The following IL7 variants were observed in gnomAD, a reference collection of about 807,000 sequenced individuals.
The protein encoded by IL7 is interleukin-7.
In IL7, 3 loss-of-function variants were observed where a neutral mutation model predicts 21.6. The ratio of observed to expected loss-of-function variants is 0.14; its 90% CI spans 0.06 to 0.36. The LOEUF (loss-of-function observed/expected upper bound fraction) is 0.36. Ranked by LOEUF, IL7 falls within the 10% of genes least tolerant of loss-of-function variation. The pLI is 1.00. For missense variants in IL7, 175 were observed against 200.2 expected (o/e 0.87, Z 0.76); for synonymous variants, 62 against 68.1 (o/e 0.91, Z 0.44).
At chr8:78,717,668 A>C (rs1242828951), downstream of IL7, 3 of 474,096 alleles carry the variant, frequency 6.3e-6, no homozygotes, top group Middle Eastern at 5.8e-4. Context: ...ATATGTGTAC[A>C]TATACTGTAT....
chr8:78,793,459 T>C (rs1813759597), intron 2 of IL7, among the ~76,000 whole-genome samples: 2 of 152,168 alleles, frequency 1.3e-5, no homozygotes, highest in Non-Finnish European at 2.9e-5. Flanking sequence ...GTTTACACTA[T>C]ACTGTAGTCT....
At chr8:78,762,224 C>G in intron 2 of IL7, 2 of 1,580,344 alleles carry the variant, frequency 1.3e-6, no homozygotes, top group Non-Finnish European at 1.7e-6. Flanking sequence ...ACCAGTTCTA[C>G]AGATCATAGA....
chr8:78,758,398 G>A (rs1241611451), intron 2 of IL7, among the ~76,000 whole-genome samples: 1 of 152,032 alleles, frequency 6.6e-6, no homozygotes, highest in Non-Finnish European at 1.5e-5. Flanking sequence ...GTAGTGACAA[G>A]CTTTGATTTC....
chr8:78,680,940 G>T (rs1809756789), intron 4 of IL7, among the ~76,000 whole-genome samples: 1 of 152,194 alleles, frequency 6.6e-6, no homozygotes, highest in Non-Finnish European at 1.5e-5. Flanking sequence ...GGCTGAAATT[G>T]TATAAAAGTC....
At chr8:78,744,032 G>A (rs760972547) in intron 2 of IL7, among the ~76,000 whole-genome samples, 1 of 152,184 alleles carries the variant, frequency 6.6e-6, no homozygotes, top group Non-Finnish European at 1.5e-5. Flanking sequence ...GGAGATCCTG[G>A]TTGGGAGGTC....
At chr8:78,699,977 A>T (rs1166176979) in intron 3 of IL7, among the ~76,000 whole-genome samples, 2 of 152,218 alleles carry the variant, frequency 1.3e-5, no homozygotes, top group South Asian at 4.1e-4. Context: ...CTGGGTATAT[A>T]CTCAGTAATG....
At chr8:78,734,097 CAT>C (rs1811497285) in intron 5 of IL7, among the ~76,000 whole-genome samples, 1 of 152,096 alleles carries the variant, frequency 6.6e-6, no homozygotes, top group East Asian at 1.9e-4. Flanking sequence ...TAACAGTGGA[CAT>C]AATAACACTG....
intron 3 of IL7, among the ~76,000 whole-genome samples, chr8:78,705,161 A>C (rs1810731875): frequency 6.6e-6 from 1 of 152,164 alleles, no homozygotes; most frequent in Non-Finnish European, 1.5e-5. Context: ...TTCCTGTTGG[A>C]GAGGTGATGC....
intron 5 of IL7, 81 bp from the exon 6 acceptor site, chr8:78,733,913 A>G: frequency 1.0e-6 from 1 of 955,378 alleles, no homozygotes; most frequent in African/African-American, 1.7e-5. Context: ...TCATCATATT[A>G]CTTTATACTG....
intron 3 of IL7, among the ~76,000 whole-genome samples, chr8:78,688,025 T>C (rs552598153): frequency 8.1e-5 from 12 of 149,042 alleles, no homozygotes; most frequent in African/African-American, 2.9e-4. Flanking sequence ...TGTGTTTCCG[T>C]AAAACTTCAT....
chr8:78,728,415 A>G (rs1035280266), downstream of IL7, among the ~76,000 whole-genome samples: 2 of 152,054 alleles, frequency 1.3e-5, no homozygotes, highest in African/African-American at 2.4e-5. Flanking sequence ...TATTGGAGAA[A>G]GGATACATAG....
At chr8:78,749,597 C>A (rs535299442) in intron 2 of IL7, among the ~76,000 whole-genome samples, 78 of 152,070 alleles carry the variant, frequency 5.1e-4, no homozygotes, top group Non-Finnish European at 1.2e-4. Context: ...CTGTAATTGG[C>A]AAATTGCTGA....
Position 78,803,510 on chromosome 8 carries a change from T to G in IL7, c.10+1403A>C, listed in dbSNP as rs77691373. ...GAAACAAACTTCAGGAAGCCATGCA[T>G]TATAATCATTATTATTAGAATTTTA... On this transcript the variant is annotated intron_variant, in intron 1 of 5. Coordinates refer to ENST00000263851, the MANE Select transcript of IL7 (RefSeq NM_000880.4). 3.3e-4 allele frequency among the ~76,000 whole-genome samples: 50 copies of G among 152,346 alleles called. 1 individual carries two copies. The East Asian group carries it at 9.6e-3, about 29-fold the overall frequency.
intron 3 of IL7, among the ~76,000 whole-genome samples, chr8:78,709,674 T>C (rs1233519074): frequency 1.3e-5 from 2 of 151,802 alleles, no homozygotes; most frequent in African/African-American, 4.8e-5. Context: ...AGAATTGTCT[T>C]GGACCACATA....
At chr8:78,760,883 G>C in intron 2 of IL7, 1 of 1,562,038 alleles carries the variant, frequency 6.4e-7, no homozygotes. Context: ...CAGTACTGCA[G>C]TCAAGCTACC....
downstream of IL7, among the ~76,000 whole-genome samples, chr8:78,716,931 CTTCCCCT>C (rs1811125761): frequency 1.3e-5 from 2 of 152,086 alleles, no homozygotes; most frequent in Admixed American, 6.5e-5. Context: ...GACATGCTTG[CTTCCCCT>C]TTGCCTTCTG....
At chr8:78,761,659 G>GTC in intron 2 of IL7, 1 of 1,610,904 alleles carries the variant, frequency 6.2e-7, no homozygotes, top group East Asian at 2.2e-5. Context: ...AGACGTGTGA[G>GTC]TCTCTCACTT....
chr8:78,730,654 CAG>C (rs1281547483), downstream of IL7, among the ~76,000 whole-genome samples: 1 of 151,934 alleles, frequency 6.6e-6, no homozygotes, highest in Admixed American at 6.6e-5. Flanking sequence ...ATATTAATAA[CAG>C]AATGGCACAA....
At chr8:78,756,102 T>G (rs1812337167) in intron 2 of IL7, among the ~76,000 whole-genome samples, 1 of 152,052 alleles carries the variant, frequency 6.6e-6, no homozygotes, top group African/African-American at 2.4e-5. Context: ...TGGTTTTTGT[T>G]CTTCACTCTT....
Sources: gnomAD v4.1 joint callset for allele counts (sites outside exome capture counted in the v4.1 genomes callset) on GRCh38, gnomAD v4.1.1 for gene constraint, MANE v1.5 for transcripts, NCBI Gene and HGNC (gene_info 2026-07-23, HGNC 2026-07-21) for gene names.